TP73: variants seen among roughly 807,000 people sequenced by gnomAD.
TP73 encodes p53-like transcription factor.
Under a neutral mutation model 62.5 loss-of-function variants are expected in TP73, and 25 were observed. That is an observed-to-expected ratio of 0.40 (90% CI 0.29 to 0.56). TP73 has a LOEUF of 0.56. TP73 is among the 20% of genes least tolerant of loss of function. The probability of loss-of-function intolerance (pLI) is 0.46; values close to 1 mark genes in which losing one functional copy is unlikely to be tolerated. For synonymous variants in TP73, 423 were observed against 377.5 expected, an observed-to-expected ratio of 1.12 and a Z score of -1.40; for missense variants, 754 against 913.3, an observed-to-expected ratio of 0.83 and a Z score of 2.25.
rs1422495117 is a variant in TP73 at position 3,663,719 on chromosome 1, G to A, written c.-34+11078G>A. Among the ~76,000 whole-genome samples the A allele has an allele frequency of 1.3e-5, 2 of 151,136 alleles. No individual in the cohort carries two copies. The highest frequency in any genetic ancestry group is 3.0e-5 in the Non-Finnish European group (2 of 67,766). ...TCAAAAAAAAAAAAAAAGAAAGAAA[G>A]AAAGGATACAGACATCCTGAACCGG... On this transcript the variant is annotated intron_variant, in intron 1 of 13. Transcript: ENST00000378295. This position sits in a 1 kb window ranked among gnomAD's most constrained non-coding sequence, Gnocchi z 4.7.
chr1:3,661,893 A>C, intron 1 of TP73, among the ~76,000 whole-genome samples: 1 of 145,982 alleles, frequency 6.9e-6, no homozygotes, highest in Non-Finnish European at 1.5e-5. Flanking sequence ...TTTATTTTTT[A>C]TTTTTTATTT....
chr1:3,723,236 C>A, intron 5 of TP73, 118 bp from the exon 6 acceptor site: 1 of 761,086 alleles, frequency 1.3e-6, no homozygotes, highest in Non-Finnish European at 2.2e-6. Flanking sequence ...TACCTCTCTG[C>A]ACCTGACATG....
At chr1:3,713,784 C>G (rs932881032) in intron 4 of TP73, among the ~76,000 whole-genome samples, 1 of 152,178 alleles carries the variant, frequency 6.6e-6, no homozygotes, top group East Asian at 1.9e-4. Flanking sequence ...TCCAGGCGGA[C>G]AGCGTGAGGC....
At chr1:3,730,836 C>T in intron 11 of TP73, 91 bp from the exon 12 acceptor site, 2 of 1,457,112 alleles carry the variant, frequency 1.4e-6, no homozygotes, top group Middle Eastern at 2.5e-4. Flanking sequence ...GGATGGCTCC[C>T]TGGTGTCCAG....
At chr1:3,691,461 C>G (rs1040306149) in intron 3 of TP73, among the ~76,000 whole-genome samples, 1 of 152,174 alleles carries the variant, frequency 6.6e-6, no homozygotes, top group African/African-American at 2.4e-5. Flanking sequence ...ACGGGCTCTT[C>G]TCGGTGTGGG....
intron 4 of TP73, among the ~76,000 whole-genome samples, chr1:3,709,214 C>G (rs1022974042): frequency 1.3e-5 from 2 of 152,188 alleles, no homozygotes; most frequent in Admixed American, 6.5e-5. Context: ...GCTGCTGGCT[C>G]CGGGCTAAGA....
rs2124556770 is a variant in TP73 at position 3,733,254 on chromosome 1, C to T, written c.*175C>T. ...CAGGCCCCAGGAAAGGCCCAGCCAC[C>T]GAAGCCGCCTGTGGACAGCCTGAGT... On this transcript the variant is annotated 3_prime_UTR_variant, in exon 14 of 14. Transcript: ENST00000378295. The T allele has an allele frequency of 2.6e-6, 2 of 763,610 alleles. No homozygotes were observed. The highest frequency in any genetic ancestry group is 2.7e-5 in the East Asian group (1 of 36,800). 47.3% of individuals were successfully genotyped at this position (763,610 alleles called of 1,614,324 possible). A position where few individuals can be genotyped will look rare whatever the true frequency, so the allele number is the denominator to read the frequency against.
chr1:3,662,355 T>A lies in TP73; in HGVS notation c.-34+9714T>A, dbSNP rs936895059. 2 of 152,162 alleles carry A rather than the reference T, an allele frequency of 1.3e-5. No homozygotes were observed. The highest frequency in any genetic ancestry group is 2.4e-5 in the African/African-American group (1 of 41,414). The allele number at this position is 152,162 out of a possible 1,614,324, so 9.4% of individuals were successfully genotyped here. On this transcript the variant is annotated intron_variant, in intron 1 of 13. Transcript: ENST00000378295. This position sits in a 1 kb window ranked among gnomAD's most constrained non-coding sequence, Gnocchi z 4.4. ...CACGAATGGGAGTCCCACACGGAGA[T>A]GAAACTGGGGGAAGGGGCCAGATGG...
chr1:3,656,125 G>C (rs1419487116), intron 1 of TP73, among the ~76,000 whole-genome samples: 1 of 150,616 alleles, frequency 6.6e-6, no homozygotes, highest in Non-Finnish European at 1.5e-5. Flanking sequence ...GCAGTGAGCT[G>C]AGATCACGCA....
In TP73 at chr1:3,699,929, C is replaced by T. The variant is rs1446918003; in HGVS notation, c.187-7620C>T. Among the ~76,000 whole-genome samples the T allele has an allele frequency of 6.6e-6, 1 of 152,068 alleles. No homozygotes were observed. The highest frequency in any genetic ancestry group is 6.5e-5 in the Admixed American group (1 of 15,268). ...TCCAAGAGAAGGGGGACTGCATGGC[C>T]AGACCGTGGGCTCGGGCCCCAGTCT... On this transcript the variant is annotated intron_variant, in intron 3 of 13. Transcript: ENST00000378295. The surrounding 1 kb of genome is among the most constrained non-coding windows in gnomAD (Gnocchi z 4.1).
At position 3,733,361 on chromosome 1, in the gene TP73, C is replaced by T. The variant is rs567806081; in HGVS notation, c.*282C>T. The T allele has an allele frequency of 3.6e-5, 18 of 501,636 alleles. No homozygotes were observed. In the Admixed American group the frequency reaches 4.2e-4, roughly 12 times the overall value. The allele number at this position is 501,636 out of a possible 1,614,324, so 31.1% of individuals were successfully genotyped here. A position where few individuals can be genotyped will look rare whatever the true frequency, so the allele number is the denominator to read the frequency against. On this transcript the variant is annotated 3_prime_UTR_variant, in exon 14 of 14. Coordinates refer to ENST00000378295, the MANE Select transcript of TP73 (RefSeq NM_005427.4). ...CCCACTCTCAGCCCTGCCACTGCCC[C>T]GGCGTGCTCCATGGCAGGCGTGGGT...
chr1:3,680,983 C>A (rs1357216443), intron 1 of TP73, among the ~76,000 whole-genome samples: 3 of 152,264 alleles, frequency 2.0e-5, no homozygotes, highest in Non-Finnish European at 4.4e-5. Flanking sequence ...CCCCTCTGAG[C>A]CTTGGGGCTC....
intron 5 of TP73, among the ~76,000 whole-genome samples, chr1:3,722,906 C>A (rs1428864600): frequency 3.5e-5 from 5 of 141,208 alleles, no homozygotes; most frequent in Non-Finnish European, 7.6e-5. Context: ...CTGCACCTAG[C>A]ACAGGAGTGG....
chr1:3,689,617 C>A (rs993839357), intron 3 of TP73, among the ~76,000 whole-genome samples: 2 of 152,208 alleles, frequency 1.3e-5, no homozygotes, highest in Non-Finnish European at 2.9e-5. Context: ...AGCGATGAGG[C>A]CCCTGCCGGC....
chr1:3,698,642 G>A (rs371705152), intron 3 of TP73, among the ~76,000 whole-genome samples: 1 of 152,180 alleles, frequency 6.6e-6, no homozygotes, highest in Admixed American at 6.5e-5. Context: ...GTGGACTCCG[G>A]GGCGGTTAGC....
chr1:3,707,496 A>T (rs913224475), intron 3 of TP73, 53 bp from the exon 4 acceptor site: 41 of 1,574,126 alleles, frequency 2.6e-5, no homozygotes, highest in Non-Finnish European at 3.4e-5. Context: ...TAGACGGGAC[A>T]GGACGACTGA....
rs911277522 is a variant in TP73 at position 3,676,418 on chromosome 1, CAG to C, written c.-33-5914_-33-5913del. On this transcript the variant is annotated intron_variant, in intron 1 of 13. Transcript: ENST00000378295. The stretch of plus-strand genomic sequence containing the variant: ...AAGGAACCTATGGGGGACAGGGAGA[CAG>C]GGGGACAGGGAGAGGACAGAGGAAC... Among the ~76,000 whole-genome samples, 18 of 87,908 alleles carry C rather than the reference CAG, an allele frequency of 2.0e-4. No individual in the cohort carries two copies. In the East Asian group the frequency reaches 2.2e-3, roughly 11 times the overall value. The allele number at this position is 87,908 out of a possible 152,430, so 57.7% of individuals were successfully genotyped here.
chr1:3,727,755 G>T lies in TP73; in HGVS notation c.970G>T (p.Ala324Ser). ...GAACGAGAGCTCCGCCAAGAACGGGGCCGCCAGCAAGCGTGGTGAGCGGCC... is the reference window on the plus strand; with the variant it reads ...GAACGAGAGCTCCGCCAAGAACGGGTCCGCCAGCAAGCGTGGTGAGCGGCC... The part of the protein sequence containing the change: ...ALNESSAKNG[A>S]ASKRAFKQSP... The change falls in exon 8 of 14, where the codon GCC becomes TCC. Residue 324 changes from alanine (A) to serine (S), a missense_variant. By Grantham distance (99) the Ala-to-Ser change is moderately conservative (BLOSUM62 1). Transcript: ENST00000378295. 6.5e-7 allele frequency: 1 copy of T among 1,545,076 alleles called. No homozygotes were observed. The highest frequency in any genetic ancestry group is 8.7e-7 in the Non-Finnish European group (1 of 1,144,944).
intron 4 of TP73, among the ~76,000 whole-genome samples, chr1:3,715,632 G>GC (rs1640530653): frequency 6.6e-6 from 1 of 152,164 alleles, no homozygotes; most frequent in Admixed American, 6.5e-5. Context: ...GGACCCAGGT[G>GC]CCCCATTCCC....
Sources: gnomAD v4.1 joint callset for allele counts (sites outside exome capture counted in the v4.1 genomes callset) on GRCh38, gnomAD v4.1.1 for gene constraint, Gnocchi (gnomAD v3.1) non-coding constraint, MANE v1.5 for transcripts, NCBI Gene and HGNC (gene_info 2026-07-23, HGNC 2026-07-21) for gene names.